SPEF2: variants seen among roughly 807,000 people sequenced by gnomAD.
The protein encoded by SPEF2 is sperm flagella and cilia-associated protein 2.
Under a neutral mutation model 224.6 loss-of-function variants are expected in SPEF2, and 187 were observed. That is an observed-to-expected ratio of 0.83 (90% CI 0.74 to 0.94). The LOEUF is 0.94. SPEF2 is among the 40% of genes least tolerant of loss of function. SPEF2 has a pLI of 0.00. For missense variants in SPEF2, 2,170 were observed against 2,135.6 expected (o/e 1.02, Z -0.32); for synonymous variants, 715 against 707.3 (o/e 1.01, Z -0.17).
At chr5:35,672,802 A>G (rs1345936207) in intron 10 of SPEF2, among the ~76,000 whole-genome samples, 1 of 152,152 alleles carries the variant, frequency 6.6e-6, no homozygotes, top group Non-Finnish European at 1.5e-5. Flanking sequence ...CATACCCTAT[A>G]CCTTTAAAGA....
chr5:35,676,326 A>G (rs998600034), intron 10 of SPEF2, among the ~76,000 whole-genome samples: 2 of 152,104 alleles, frequency 1.3e-5, no homozygotes, highest in Non-Finnish European at 2.9e-5. Flanking sequence ...TTCTCTACCT[A>G]CTTTGGCAAC....
chr5:35,764,676 T>C, intron 26 of SPEF2: 1 of 456,238 alleles, frequency 2.2e-6, no homozygotes, highest in South Asian at 1.5e-5. Flanking sequence ...GAAGAGGACC[T>C]TGCAGCACAG....
At chr5:35,705,186 A>T (rs528257212) in intron 17 of SPEF2, among the ~76,000 whole-genome samples, 1 of 152,000 alleles carries the variant, frequency 6.6e-6, no homozygotes, top group Non-Finnish European at 1.5e-5. Flanking sequence ...CTCCAGGAAG[A>T]AAAAAACAGT....
chr5:35,692,190 C>T lies in SPEF2; in HGVS notation c.1745-380C>T, dbSNP rs200322413. On this transcript the variant is annotated intron_variant, in intron 11 of 36. Coordinates refer to ENST00000356031, the MANE Select transcript of SPEF2 (RefSeq NM_024867.4). ...CTTTGGAAGGCCGAGACGGGTGGAT[C>T]ACCTGAGGTCAAGAGTTTGAGATCA... 6.8e-4 allele frequency among the ~76,000 whole-genome samples: 104 copies of T among 152,150 alleles called. 1 individual carries two copies. The East Asian group carries it at 0.013, about 20-fold the overall frequency.
chr5:35,725,567 C>G (rs1220965751), intron 20 of SPEF2, among the ~76,000 whole-genome samples: 2 of 152,156 alleles, frequency 1.3e-5, no homozygotes, highest in African/African-American at 2.4e-5. Context: ...CTAATGTCCT[C>G]TCATCAATTG....
chr5:35,751,082 C>T (rs1174076415), intron 23 of SPEF2, among the ~76,000 whole-genome samples: 133 of 11,960 alleles, frequency 0.011, 1 homozygote, highest in Non-Finnish European at 0.019. Flanking sequence ...TATATATACA[C>T]ACACACACAC....
At chr5:35,777,346 A>C (rs1162815485) in intron 29 of SPEF2, among the ~76,000 whole-genome samples, 1 of 152,144 alleles carries the variant, frequency 6.6e-6, no homozygotes, top group Non-Finnish European at 1.5e-5. Context: ...AGAATAAAAA[A>C]TACAAACACA....
intron 2 of SPEF2, among the ~76,000 whole-genome samples, chr5:35,637,100 C>G (rs568541254): frequency 6.6e-6 from 1 of 152,146 alleles, no homozygotes; most frequent in Admixed American, 6.5e-5. Flanking sequence ...TTTATAGCTG[C>G]CATGGTTGTA....
At chr5:35,675,231 A>G (rs540532345) in intron 10 of SPEF2, among the ~76,000 whole-genome samples, 2 of 152,308 alleles carry the variant, frequency 1.3e-5, no homozygotes, top group African/African-American at 4.8e-5. Flanking sequence ...ATGCCTCACA[A>G]TATCATTCCT....
At chr5:35,670,038 T>C (rs751733115) in intron 9 of SPEF2, 21 bp from the exon 10 acceptor site, 1 of 1,571,794 alleles carries the variant, frequency 6.4e-7, no homozygotes, top group Admixed American at 2.0e-5. Context: ...GATTCATCTC[T>C]ACCTTTTTTT....
chr5:35,653,141 C>T (rs1580132269), intron 6 of SPEF2, among the ~76,000 whole-genome samples: 1 of 152,000 alleles, frequency 6.6e-6, no homozygotes, highest in Admixed American at 6.6e-5. Flanking sequence ...AATTCTGTAC[C>T]AAGCCCCCAT....
At chr5:35,786,614 C>T (rs1302918055) in intron 30 of SPEF2, among the ~76,000 whole-genome samples, 3 of 151,940 alleles carry the variant, frequency 2.0e-5, no homozygotes, top group East Asian at 3.9e-4. Context: ...GAGCCAAAAT[C>T]GTGCCACTGG....
chr5:35,701,995 C>T (rs1456567679), intron 16 of SPEF2, among the ~76,000 whole-genome samples: 1 of 152,076 alleles, frequency 6.6e-6, no homozygotes, highest in Non-Finnish European at 1.5e-5. Flanking sequence ...AATTGCATTG[C>T]TCTGTAGATA....
chr5:35,626,112 T>C (rs1343947994), intron 1 of SPEF2, among the ~76,000 whole-genome samples: 1 of 152,156 alleles, frequency 6.6e-6, no homozygotes. Flanking sequence ...GTACAATAGA[T>C]CTAGCTGAGT....
chr5:35,757,648 G>C (rs1249865319), intron 24 of SPEF2, among the ~76,000 whole-genome samples: 1 of 152,070 alleles, frequency 6.6e-6, no homozygotes, highest in Non-Finnish European at 1.5e-5. Flanking sequence ...CCAAACCTAA[G>C]CATGACAGGT....
At chr5:35,772,187 G>A (rs1427484562) in intron 27 of SPEF2, among the ~76,000 whole-genome samples, 1 of 152,152 alleles carries the variant, frequency 6.6e-6, no homozygotes, top group African/African-American at 2.4e-5. Flanking sequence ...AGTAGCATGA[G>A]GGAAAACAAA....
In SPEF2 at chr5:35,740,022, T is replaced by C. The variant is rs1747328564; in HGVS notation, c.3167T>C (p.Val1056Ala). 3 of 1,614,030 alleles carry C rather than the reference T, an allele frequency of 1.9e-6. No individual in the cohort carries two copies. In the South Asian group the frequency reaches 3.3e-5, roughly 18 times the overall value. Residue 1056 changes from valine (V) to alanine (A), a missense_variant, in exon 22 of 37, where the codon GTG becomes GCG. Transcript: ENST00000356031. ...LRHLREDQHT[V>A]LAYLYEIRTS... The stretch of plus-strand genomic sequence containing the variant: ...CATCTGAGGGAAGACCAGCATACTG[T>C]GCTTGCTTACTTATATGAGATTAGG...
At chr5:35,681,791 A>C (rs533740350) in intron 10 of SPEF2, among the ~76,000 whole-genome samples, 17 of 152,306 alleles carry the variant, frequency 1.1e-4, no homozygotes, top group African/African-American at 4.1e-4. Context: ...ACCTAGTCAA[A>C]AATGTTTGAA....
At chr5:35,763,777 T>A in intron 26 of SPEF2, 75 bp downstream of exon 26, 1 of 1,246,636 alleles carries the variant, frequency 8.0e-7, no homozygotes, top group South Asian at 1.9e-5. Context: ...ATGCTATAAG[T>A]GGAAAATTGA....
Sources: gnomAD v4.1 joint callset for allele counts (sites outside exome capture counted in the v4.1 genomes callset) on GRCh38, gnomAD v4.1.1 for gene constraint, MANE v1.5 for transcripts, NCBI Gene and HGNC (gene_info 2026-07-23, HGNC 2026-07-21) for gene names.